The following DLG3 variants were observed in gnomAD, a reference collection of about 807,000 sequenced individuals.
DLG3 encodes the protein discs large MAGUK scaffold protein 3.
DLG3 carries 1 observed loss-of-function variant against 64.1 expected under a neutral mutation model. The ratio of observed to expected loss-of-function variants is 0.02; its 90% CI spans 0.01 to 0.07. The LOEUF (loss-of-function observed/expected upper bound fraction) is 0.07, where lower values mean the gene tolerates loss of function less well. Among genes scored for constraint, DLG3 ranks in the 10% least tolerant of loss-of-function variants. DLG3 has a pLI of 1.00. For synonymous variants in DLG3, 245 were observed against 259.8 expected, an observed-to-expected ratio of 0.94 and a Z score of 0.55; for missense variants, 429 against 669.5, an observed-to-expected ratio of 0.64 and a Z score of 3.96.
chrX:70,457,344 A>G (rs143015945), intron 9 of DLG3, among the ~76,000 whole-genome samples: 43 of 111,818 alleles, frequency 3.8e-4, no homozygotes, highest in African/African-American at 1.4e-3. Flanking sequence ...GGTTAGAGTG[A>G]TCTCCATGGT....
chrX:70,492,712 G>A (rs2087380562), intron 12 of DLG3, 116 bp downstream of exon 12: 2 of 677,894 alleles, frequency 3.0e-6, no homozygotes, highest in South Asian at 2.4e-5. Context: ...TTTTTCAGGG[G>A]GCTGGCTCTG....
At chrX:70,485,515 G>A (rs1270991017) in intron 10 of DLG3, among the ~76,000 whole-genome samples, 3 of 111,410 alleles carry the variant, frequency 2.7e-5, no homozygotes, top group Non-Finnish European at 5.7e-5. Context: ...TCAGGCTATA[G>A]ACAGATGGCT....
chrX:70,449,351 T>C lies in DLG3; in HGVS notation c.409-8T>C. On this transcript the variant is annotated splice_polypyrimidine_tract_variant and splice_region_variant and intron_variant, in intron 2 of 18. Transcript: ENST00000374360. ...GAACAGACTGTGCCTTTCCACCCAC[T>C]TCTGCAGGGCAACTCTGGCCTGGGC... is the stretch of plus-strand genomic sequence containing the variant. The C allele has an allele frequency of 1.7e-6, 2 of 1,211,648 alleles. No individual in the cohort carries two copies. Among genetic ancestry groups the C allele is most frequent in the East Asian group, 3.0e-5 (1 of 33,844 alleles).
rs760009278 is a variant in DLG3, at chrX:70,452,001, A to C, written c.1120A>C (p.Met374Leu). The change falls in exon 7 of 19, where the codon ATG becomes CTG. Residue 374 changes from methionine to leucine, a missense_variant. Around this residue, in one of 9 missense-constraint regions of DLG3, gnomAD observed 54 missense variants for 54.4 expected, o/e 0.99. Coordinates refer to ENST00000374360, the MANE Select transcript of DLG3 (RefSeq NM_021120.4). ...CCGCTACTCTCCTATTCCCAGGCAC[A>C]TGCTGGCTGAGGAGGACTTCACCAG... ...PTRYSPIPRHMLAEEDFTREP... is the reference protein window; with the variant it reads ...PTRYSPIPRHLLAEEDFTREP... The C allele has an allele frequency of 2.5e-6, 3 of 1,208,945 alleles. No individual in the cohort carries two copies. Among genetic ancestry groups the C allele is most frequent in the Non-Finnish European group, 3.4e-6 (3 of 894,870 alleles).
At chrX:70,498,721 T>C (rs953774883) in intron 14 of DLG3, 151 bp downstream of exon 14, 6 of 555,385 alleles carry the variant, frequency 1.1e-5, no homozygotes, top group African/African-American at 2.3e-5. Flanking sequence ...TTCTTCTCTA[T>C]GCTTCTTCCT....
chrX:70,486,669 T>TTC (rs35640309), intron 10 of DLG3, among the ~76,000 whole-genome samples: 13,736 of 101,839 alleles, frequency 0.13, 973 homozygotes, highest in Non-Finnish European at 0.18. Context: ...TTTTTTTTTT[T>TTC]CATGCTCACT....
rs776663320 is a variant in DLG3, at chrX:70,479,173, A to T, written c.1429A>T (p.Ile477Leu). 1 of 1,210,379 alleles carries T rather than the reference A, an allele frequency of 8.3e-7. No homozygotes were observed. The highest frequency in any genetic ancestry group is 1.1e-6 in the Non-Finnish European group (1 of 894,141). The change falls in exon 10 of 19, where the codon ATA (isoleucine) becomes TTA (leucine). Residue 477 changes from isoleucine to leucine, a missense_variant. Around this residue, in one of 9 missense-constraint regions of DLG3, gnomAD observed 46 missense variants for 52.3 expected, o/e 0.88. Coordinates refer to ENST00000374360, the MANE Select transcript of DLG3 (RefSeq NM_021120.4). ...PEEYSRFESK[I>L]HDLREQMMNS... ...AGAATACAGTCGCTTTGAATCGAAG[A>T]TACATGACTTACGAGAACAAATGAT...
chrX:70,475,538 C>T (rs910614316), intron 9 of DLG3, among the ~76,000 whole-genome samples: 1 of 111,564 alleles, frequency 9.0e-6, no homozygotes, highest in Non-Finnish European at 1.9e-5. Context: ...TTTGTAGAGA[C>T]GGGGTTTCAC....
At chrX:70,488,495 G>A (rs2087298222) in intron 10 of DLG3, among the ~76,000 whole-genome samples, 1 of 111,854 alleles carries the variant, frequency 8.9e-6, no homozygotes, top group Non-Finnish European at 1.9e-5. Context: ...CAAAATTTAA[G>A]CAGGAAAAAG....
chrX:70,475,242 T>C (rs1749912693), intron 9 of DLG3, among the ~76,000 whole-genome samples: 1 of 112,106 alleles, frequency 8.9e-6, no homozygotes, highest in South Asian at 3.7e-4. Flanking sequence ...TTAAGAATTG[T>C]AAACAACTTA....
rs1010481294 is a variant in DLG3 at position 70,464,645 on chromosome X, T to G, written c.1405+10329T>G. ...TTGAAATGGACTTTTGTTTATTTTTTGCTGAATTTAGGTATCTTTAAAAAA... is the reference window on the plus strand; with the variant it reads ...TTGAAATGGACTTTTGTTTATTTTTGGCTGAATTTAGGTATCTTTAAAAAA... On this transcript the variant is annotated intron_variant, in intron 9 of 18. Coordinates refer to ENST00000374360, the MANE Select transcript of DLG3 (RefSeq NM_021120.4). Among the ~76,000 whole-genome samples, 15 of 112,080 alleles carry G rather than the reference T, an allele frequency of 1.3e-4. No individual in the cohort carries two copies. In the East Asian group the frequency reaches 1.7e-3, roughly 13 times the overall value.
At chrX:70,454,801 G>A (rs772744071) in intron 9 of DLG3, among the ~76,000 whole-genome samples, 2 of 112,824 alleles carry the variant, frequency 1.8e-5, no homozygotes, top group Non-Finnish European at 3.8e-5. Context: ...CGCTGAAAAG[G>A]TGATACTATG....
chrX:70,501,142 A>C (rs1167958388), intron 18 of DLG3, among the ~76,000 whole-genome samples, 153 bp downstream of exon 18: 1 of 111,278 alleles, frequency 9.0e-6, no homozygotes, highest in African/African-American at 3.3e-5. Flanking sequence ...TCCAAAGCAC[A>C]CAAGTTCCCC....
chrX:70,448,650 C>T, intron 1 of DLG3: 1 of 1,154,505 alleles, frequency 8.7e-7, no homozygotes, highest in Non-Finnish European at 1.2e-6. Flanking sequence ...GCACCACTGG[C>T]TGGCTCAGTC....
intron 12 of DLG3, 131 bp from the exon 13 acceptor site, chrX:70,495,277 C>T (rs2087432797): frequency 5.2e-6 from 3 of 578,893 alleles, no homozygotes; most frequent in South Asian, 2.4e-5. Context: ...TTCTTCCTCC[C>T]CCCTTGTCTT....
At position 70,445,407 on chromosome X, in the gene DLG3, C is replaced by G. The variant is rs1247476222; in HGVS notation, c.206C>G (p.Pro69Arg). The change falls in exon 1 of 19, where the codon CCT becomes CGT. Residue 69 changes from proline (P) to arginine (R), a missense_variant. By Grantham distance (103) the Pro-to-Arg change is moderately radical. Coordinates refer to ENST00000374360, the MANE Select transcript of DLG3 (RefSeq NM_021120.4). The stretch of plus-strand genomic sequence containing the variant: ...TCGCAGGCGGGGGCCACCCCCACCC[C>G]TCGCACCAAGGCCAAGCTCATCCCC... ...LPSQAGATPT[P>R]RTKAKLIPTG... is the part of the protein sequence containing the mutation. 9.3e-6 allele frequency: 11 copies of G among 1,187,893 alleles called. No individual in the cohort carries two copies. The highest frequency in any genetic ancestry group is 5.7e-6 in the Non-Finnish European group (5 of 883,700).
At chrX:70,475,426 C>T (rs2087038290) in intron 9 of DLG3, among the ~76,000 whole-genome samples, 2 of 111,138 alleles carry the variant, frequency 1.8e-5, no homozygotes, top group Middle Eastern at 4.6e-3. Context: ...GGCGCGATCT[C>T]GGCTCACTGC....
At position 70,502,292 on chromosome X, in the gene DLG3, T is replaced by G; in HGVS notation, c.*23T>G. 1.3e-5 allele frequency: 14 copies of G among 1,082,891 alleles called. No homozygotes were observed. The highest frequency in any genetic ancestry group is 1.8e-5 in the African/African-American group (1 of 55,190). 89.2% of individuals were successfully genotyped at this position (1,082,891 alleles called of 1,213,427 possible). A position where few individuals can be genotyped will look rare whatever the true frequency, so the allele number is the denominator to read the frequency against. The stretch of plus-strand genomic sequence containing the variant: ...TGAAGAATCCCCTCCAACCATTCTC[T>G]TGTGAACAGAAGAAATCAAGTCCCT... On this transcript the variant is annotated 3_prime_UTR_variant, in exon 19 of 19. Coordinates refer to ENST00000374360, the MANE Select transcript of DLG3 (RefSeq NM_021120.4).
At chrX:70,495,536 G>A (rs1239736445) in intron 13 of DLG3, 83 bp downstream of exon 13, 2 of 943,202 alleles carry the variant, frequency 2.1e-6, no homozygotes, top group African/African-American at 3.9e-5. Context: ...ACATGGGTGA[G>A]GGTGAAGGGT....
Sources: allele counts gnomAD v4.1 joint callset (sites outside exome capture counted in the v4.1 genomes callset), GRCh38; gene constraint gnomAD v4.1.1; regional missense constraint gnomAD v4.1.1; transcripts MANE v1.5; gene names NCBI Gene and HGNC (gene_info 2026-07-23, HGNC 2026-07-21).